PIK3CA: variants seen among roughly 807,000 people sequenced by gnomAD.
PIK3CA encodes the protein phosphatidylinositol 4,5-bisphosphate 3-kinase catalytic subunit alpha isoform.
A neutral mutation model predicts 138.2 loss-of-function variants in PIK3CA; 27 were observed. The observed-to-expected ratio is 0.20, with a 90% CI of 0.14 to 0.27. The LOEUF is 0.27. Among genes scored for constraint, PIK3CA ranks in the 10% least tolerant of loss-of-function variants. PIK3CA has a pLI of 1.00. For missense variants in PIK3CA, 544 were observed against 1,277.4 expected, an observed-to-expected ratio of 0.43 and a Z score of 8.75; for synonymous variants, 358 against 413.2, an observed-to-expected ratio of 0.87 and a Z score of 1.62.
chr3:179,211,347 G>C (rs1336394518), intron 9 of PIK3CA, among the ~76,000 whole-genome samples: 1 of 152,130 alleles, frequency 6.6e-6, no homozygotes, highest in Non-Finnish European at 1.5e-5. Context: ...TGCTATTGTA[G>C]TAAGCTCAAG....
rs191073926 is a variant in PIK3CA at position 179,198,195 on chromosome 3, A to G, written c.-76-555A>G. Among the ~76,000 whole-genome samples, 405 of 152,328 alleles carry G rather than the reference A, an allele frequency of 2.7e-3. 1 individual carries two copies. The highest frequency in any genetic ancestry group is 9.4e-3 in the African/African-American group (391 of 41,566). ...TACAAAAAGAAAAAGGAAAATTACA[A>G]AGATTGATTTAAGAAAGACAAAAGA... On this transcript the variant is annotated intron_variant, in intron 1 of 20. Transcript: ENST00000263967.
chr3:179,168,214 G>T (rs1273453130), intron 1 of PIK3CA, among the ~76,000 whole-genome samples: 1 of 152,086 alleles, frequency 6.6e-6, no homozygotes, highest in Admixed American at 6.6e-5. Context: ...ATTGGTTCAG[G>T]GGAAGTAAAA....
chr3:179,199,472 T>C (rs1329208107), intron 2 of PIK3CA, among the ~76,000 whole-genome samples: 6 of 152,060 alleles, frequency 3.9e-5, no homozygotes, highest in Non-Finnish European at 7.4e-5. Context: ...CTGCCTTTGC[T>C]CTAAATTGCT....
rs1326715585 is a variant in PIK3CA, at chr3:179,210,694, A to G, written c.1539+129A>G. 3 of 843,894 alleles carry G rather than the reference A, an allele frequency of 3.6e-6. No individual in the cohort carries two copies. The African/African-American group carries it at 5.3e-5, about 15-fold the overall frequency. The allele number at this position is 843,894 out of a possible 1,614,324, so 52.3% of individuals were successfully genotyped here. A position where few individuals can be genotyped will look rare whatever the true frequency, so the allele number is the denominator to read the frequency against. ...CTATGAACTCTAGGACCAATATTGCAATAGAATTAAGTTCTCTATATGCTA... is the reference window on the plus strand; with the variant it reads ...CTATGAACTCTAGGACCAATATTGCGATAGAATTAAGTTCTCTATATGCTA... On this transcript the variant is annotated intron_variant, in intron 9 of 20. Coordinates refer to ENST00000263967, the MANE Select transcript of PIK3CA (RefSeq NM_006218.4).
rs757511556 is a variant in PIK3CA at position 179,199,712 on chromosome 3, G to A, written c.375G>A (p.Val125=). The A allele has an allele frequency of 2.5e-6, 4 of 1,611,236 alleles. No individual in the cohort carries two copies. The highest frequency in any genetic ancestry group is 2.2e-5 in the East Asian group (1 of 44,762). The change falls in exon 3 of 21, where the codon GTG becomes GTA. Residue 125 remains valine (V), a synonymous_variant. Transcript: ENST00000263967. Reference sequence around the variant, plus strand: ...AAGGTTTTGCTATCGGCATGCCAGTGTGTGAATTTGATATGGTTAAAGATC... The same window carrying A: ...AAGGTTTTGCTATCGGCATGCCAGTATGTGAATTTGATATGGTTAAAGATC... ...REIGFAIGMP[V]CEFDMVKDPE...
intron 14 of PIK3CA, among the ~76,000 whole-genome samples, chr3:179,223,322 A>G (rs1402481909): frequency 1.3e-5 from 2 of 152,206 alleles, no homozygotes; most frequent in African/African-American, 2.4e-5. Flanking sequence ...TATATTTTCA[A>G]TAGGTGAAAG....
intron 1 of PIK3CA, among the ~76,000 whole-genome samples, chr3:179,188,983 G>A (rs1219579857): frequency 2.6e-5 from 4 of 152,108 alleles, no homozygotes; most frequent in Non-Finnish European, 5.9e-5. Flanking sequence ...AGAATGAGGT[G>A]GGCAGATCAC....
chr3:179,176,129 T>C (rs1723692035), intron 1 of PIK3CA, among the ~76,000 whole-genome samples: 1 of 152,350 alleles, frequency 6.6e-6, no homozygotes, highest in African/African-American at 2.4e-5. Flanking sequence ...ACTTTGGGTC[T>C]CTTTAGAGTT....
intron 2 of PIK3CA, 66 bp downstream of exon 2, chr3:179,199,243 A>G: frequency 9.5e-7 from 1 of 1,057,346 alleles, no homozygotes; most frequent in Non-Finnish European, 1.4e-6. Flanking sequence ...CCCTTTCTAA[A>G]ATATTTCTGT....
rs201273139 is a variant in PIK3CA at position 179,234,417 on chromosome 3, A to G, written c.*53A>G. On this transcript the variant is annotated 3_prime_UTR_variant, in exon 21 of 21. Transcript: ENST00000263967. This position sits in a 1 kb window ranked among gnomAD's most constrained non-coding sequence, Gnocchi z 5.1. ...CTCTGGATTCCACACTGCACTGTTAATAACTCTCAGCAGGCAAAGACCGAT... is the reference window on the plus strand; with the variant it reads ...CTCTGGATTCCACACTGCACTGTTAGTAACTCTCAGCAGGCAAAGACCGAT... 337 of 1,486,798 alleles carry G rather than the reference A, an allele frequency of 2.3e-4. No homozygotes were observed. Among genetic ancestry groups the G allele is most frequent in the Middle Eastern group, 5.3e-4 (3 of 5,616 alleles). The allele number at this position is 1,486,798 out of a possible 1,614,324, so 92.1% of individuals were successfully genotyped here.
intron 1 of PIK3CA, among the ~76,000 whole-genome samples, chr3:179,167,627 G>A (rs1319157845): frequency 6.6e-6 from 1 of 151,880 alleles, no homozygotes; most frequent in Non-Finnish European, 1.5e-5. Context: ...TGTAATAGTT[G>A]AACCTAGTAC....
Position 179,240,069 on chromosome 3 carries a change from T to G in PIK3CA, c.*5705T>G. The G allele has an allele frequency of 1.3e-6, 2 of 1,536,116 alleles. No individual in the cohort carries two copies. The highest frequency in any genetic ancestry group is 1.8e-6 in the Non-Finnish European group (2 of 1,139,488). On this transcript the variant is annotated 3_prime_UTR_variant, in exon 21 of 21. Transcript: ENST00000263967. ...TCTGCAGTCTGTAACATCACGCTGT[T>G]TATTAAAAAAAAAAAGAAAAATTAC...
At chr3:179,182,494 C>T (rs1374442875) in intron 1 of PIK3CA, among the ~76,000 whole-genome samples, 1 of 151,874 alleles carries the variant, frequency 6.6e-6, no homozygotes, top group Non-Finnish European at 1.5e-5. Context: ...ATGGCGAGAC[C>T]CCATCTCTGC....
In PIK3CA at chr3:179,219,218, G is replaced by A. The variant is rs2108409784; in HGVS notation, c.1687G>A (p.Glu563Lys). Residue 563 changes from glutamate to lysine, a missense_variant, in exon 11 of 21, where the codon GAA (glutamate) becomes AAA (lysine). Glu to Lys is a moderately conservative substitution (Grantham distance 56). This residue lies in a region of PIK3CA where 13 missense variants were observed against 16.1 expected (regional missense o/e 0.81). Transcript: ENST00000263967. The surrounding 1 kb of genome is among the most constrained non-coding windows in gnomAD (Gnocchi z 4.2). Reference protein sequence around the residue: ...SHRHYCVTIPEILPKLLLSVK... With the variant: ...SHRHYCVTIPKILPKLLLSVK... Reference sequence around the variant, plus strand: ...CAGACACTATTGTGTAACTATCCCCGAAATTCTACCCAAATTGCTTCTGTC... The same window carrying A: ...CAGACACTATTGTGTAACTATCCCCAAAATTCTACCCAAATTGCTTCTGTC... 6.2e-7 allele frequency: 1 copy of A among 1,602,454 alleles called. No individual in the cohort carries two copies. The highest frequency in any genetic ancestry group is 1.1e-5 in the South Asian group (1 of 90,708).
intron 1 of PIK3CA, among the ~76,000 whole-genome samples, chr3:179,168,544 C>A (rs1034499648): frequency 2.0e-5 from 3 of 152,048 alleles, no homozygotes; most frequent in African/African-American, 7.2e-5. Context: ...TCTTTTATAT[C>A]TTTAATTTCC....
intron 14 of PIK3CA, among the ~76,000 whole-genome samples, chr3:179,221,518 T>G (rs1461033130): frequency 6.6e-6 from 1 of 152,076 alleles, no homozygotes; most frequent in Admixed American, 6.6e-5. Flanking sequence ...TTTACAGTGA[T>G]TATTTCCTTA....
chr3:179,240,015 G>C lies in PIK3CA; in HGVS notation c.*5651G>C. On this transcript the variant is annotated 3_prime_UTR_variant, in exon 21 of 21. Transcript: ENST00000263967. ...CTGCACTTACTGTTTATGCTCATCAGAAACTGTCAATGTCTGCTTTTCTTT... is the reference window on the plus strand; with the variant it reads ...CTGCACTTACTGTTTATGCTCATCACAAACTGTCAATGTCTGCTTTTCTTT... The C allele has an allele frequency of 6.5e-7, 1 of 1,546,750 alleles. No homozygotes were observed. The highest frequency in any genetic ancestry group is 1.2e-5 in the South Asian group (1 of 83,618).
Position 179,198,956 on chromosome 3 carries a change from C to A in PIK3CA, c.131C>A (p.Thr44Asn), listed in dbSNP as rs2108385500. ...LECLREATLI[T>N]IKHELFKEAR... ...TGCCTCCGTGAGGCTACATTAATAA[C>A]CATAAAGCATGAACTATTTAAAGAA... Residue 44 changes from threonine (T) to asparagine (N), a missense_variant, in exon 2 of 21, where the codon ACC becomes AAC. Around this residue, in one of 14 missense-constraint regions of PIK3CA, gnomAD observed 47 missense variants for 84.0 expected, o/e 0.56. Transcript: ENST00000263967. The A allele has an allele frequency of 1.2e-6, 2 of 1,612,608 alleles. No homozygotes were observed. The highest frequency in any genetic ancestry group is 1.7e-6 in the Non-Finnish European group (2 of 1,178,918).
chr3:179,152,355 C>G (rs1258428878), intron 1 of PIK3CA, among the ~76,000 whole-genome samples: 2 of 152,184 alleles, frequency 1.3e-5, no homozygotes, highest in Non-Finnish European at 1.5e-5. Context: ...TTGGGCACGT[C>G]TCAATCTCTT....
Sources: gnomAD v4.1 joint callset for allele counts (sites outside exome capture counted in the v4.1 genomes callset) on GRCh38, gnomAD v4.1.1 for gene constraint, gnomAD v4.1.1 regional missense constraint, Gnocchi (gnomAD v3.1) non-coding constraint, MANE v1.5 for transcripts, NCBI Gene and HGNC (gene_info 2026-07-23, HGNC 2026-07-21) for gene names.